Variants in ADGRG3 observed in about 807,000 individuals in gnomAD.
ADGRG3 encodes G protein-coupled receptor 97.
In ADGRG3, 39 loss-of-function variants were observed where a neutral mutation model predicts 54.3. The observed-to-expected ratio is 0.72, with a 90% CI of 0.56 to 0.94. The LOEUF is 0.94. Ranked by LOEUF, ADGRG3 falls within the 40% of genes least tolerant of loss-of-function variation. The pLI, the probability that ADGRG3 is intolerant of heterozygous loss-of-function variation, is 0.00. For synonymous variants in ADGRG3, 312 were observed against 290.0 expected, an observed-to-expected ratio of 1.08 and a Z score of -0.77; for missense variants, 654 against 694.6, an observed-to-expected ratio of 0.94 and a Z score of 0.66.
chr16:57,684,581 C>G, intron 10 of ADGRG3, 98 bp downstream of exon 10: 1 of 823,478 alleles, frequency 1.2e-6, no homozygotes, highest in Non-Finnish European at 2.0e-6. Context: ...CTAGGAAAAT[C>G]TAGACCAAAT....
Position 57,688,658 on chromosome 16 carries a change from C to G in ADGRG3, c.*197C>G, listed in dbSNP as rs1335793676. 8 of 579,792 alleles carry G rather than the reference C, an allele frequency of 1.4e-5. No individual in the cohort carries two copies. Among genetic ancestry groups the G allele is most frequent in the African/African-American group, 1.3e-4 (7 of 53,508 alleles). The allele number at this position is 579,792 out of a possible 1,614,324, so 35.9% of individuals were successfully genotyped here. A position where few individuals can be genotyped will look rare whatever the true frequency, so the allele number is the denominator to read the frequency against. ...CTATAGGTCCAAGAGTCCACGTAAGCAGGTTTGCAAGGCTCTAAAGTTCCT... is the reference window on the plus strand; with the variant it reads ...CTATAGGTCCAAGAGTCCACGTAAGGAGGTTTGCAAGGCTCTAAAGTTCCT... On this transcript the variant is annotated 3_prime_UTR_variant, in exon 12 of 12. Coordinates refer to ENST00000333493, the MANE Select transcript of ADGRG3 (RefSeq NM_170776.5).
At chr16:57,672,624 A>G (rs1306038616) in intron 1 of ADGRG3, among the ~76,000 whole-genome samples, 1 of 152,230 alleles carries the variant, frequency 6.6e-6, no homozygotes, top group Non-Finnish European at 1.5e-5. Flanking sequence ...CAGTTAGTAG[A>G]TGACCCAAAG....
Position 57,679,871 on chromosome 16 carries a change from C to A in ADGRG3, c.667+16C>A. On this transcript the variant is annotated intron_variant, in intron 6 of 11. Transcript: ENST00000333493. ...GTGACTAAAGGTAGGGCCCGGAGGA[C>A]CTTCTCTGGGGTAAGACAGGAAGGG... The A allele has an allele frequency of 6.2e-7, 1 of 1,602,696 alleles. No individual in the cohort carries two copies. Among genetic ancestry groups the A allele is most frequent in the Non-Finnish European group, 8.5e-7 (1 of 1,169,776 alleles).
chr16:57,671,412 C>T (rs1160933593), intron 1 of ADGRG3, among the ~76,000 whole-genome samples: 1 of 136,968 alleles, frequency 7.3e-6, no homozygotes, highest in Non-Finnish European at 1.5e-5. Flanking sequence ...GTGATCTTGG[C>T]TCACTGCAAC....
intron 10 of ADGRG3, 81 bp from the exon 11 acceptor site, chr16:57,685,561 GA>G (rs2048457896): frequency 1.0e-5 from 14 of 1,396,234 alleles, no homozygotes; most frequent in Non-Finnish European, 1.1e-5. Flanking sequence ...TTCACAGACA[GA>G]AAAGCTCAGC....
chr16:57,671,392 G>A (rs2048155914), intron 1 of ADGRG3, among the ~76,000 whole-genome samples: 1 of 140,380 alleles, frequency 7.1e-6, no homozygotes, highest in Non-Finnish European at 1.5e-5. Flanking sequence ...CCAAGCTGGA[G>A]TGCAGTGGTG....
rs1285484358 is a variant in ADGRG3, at chr16:57,673,420, A to C, written c.158A>C (p.Lys53Thr). The C allele has an allele frequency of 1.2e-6, 2 of 1,612,176 alleles. No homozygotes were observed. The highest frequency in any genetic ancestry group is 1.7e-6 in the Non-Finnish European group (2 of 1,178,362). ...AATGACAAGGCTTTGTGCTTCACCAAGTGCAGGCAGTCGGGCAGCGACTCC... is the reference window on the plus strand; with the variant it reads ...AATGACAAGGCTTTGTGCTTCACCACGTGCAGGCAGTCGGGCAGCGACTCC... The part of the protein sequence containing the change: ...NLNDKALCFT[K>T]CRQSGSDSCN... Residue 53 changes from lysine (K) to threonine (T), a missense_variant, in exon 2 of 12, where the codon AAG becomes ACG. Lys to Thr is a moderately conservative substitution (Grantham distance 78). Transcript: ENST00000333493.
upstream of ADGRG3, chr16:57,668,140 GT>G: frequency 1.7e-6 from 1 of 585,948 alleles, no homozygotes; most frequent in Non-Finnish European, 3.0e-6. Flanking sequence ...TGGACCCAGG[GT>G]GCGGTGAGAC....
At chr16:57,683,665 C>T (rs1427886455) in intron 8 of ADGRG3, among the ~76,000 whole-genome samples, 3 of 152,220 alleles carry the variant, frequency 2.0e-5, no homozygotes, top group Non-Finnish European at 4.4e-5. Context: ...GCCTCATTTT[C>T]CCTATTATCC....
At chr16:57,683,123 G>GCAGGGAAAGGCATTGAGAA (rs1409563381) in intron 8 of ADGRG3, among the ~76,000 whole-genome samples, 1 of 152,248 alleles carries the variant, frequency 6.6e-6, no homozygotes, top group Non-Finnish European at 1.5e-5. Flanking sequence ...GAGCTGGGGA[G>GCAGGGAAAGGCATTGAGAA]CAGGGAAAGG....
chr16:57,679,951 C>T (rs1484805120), intron 6 of ADGRG3, 96 bp downstream of exon 6: 2 of 946,676 alleles, frequency 2.1e-6, no homozygotes, highest in African/African-American at 3.3e-5. Context: ...AGTCCCTCCC[C>T]TGCCTTCCTC....
intron 4 of ADGRG3, 44 bp downstream of exon 4, chr16:57,678,360 G>C: frequency 6.3e-7 from 1 of 1,598,634 alleles, no homozygotes; most frequent in Non-Finnish European, 8.6e-7. Context: ...TAGGTCCTCT[G>C]GGGGCTCCAT....
At chr16:57,686,110 C>T (rs1333278285) in intron 11 of ADGRG3, 184 bp downstream of exon 11, 10 of 623,960 alleles carry the variant, frequency 1.6e-5, no homozygotes, top group East Asian at 5.4e-5. Flanking sequence ...TGTATTAGTC[C>T]GTTTGTGTTA....
chr16:57,680,024 T>C (rs1389620569), intron 6 of ADGRG3, among the ~76,000 whole-genome samples, 169 bp downstream of exon 6: 1 of 54,808 alleles, frequency 1.8e-5, no homozygotes, highest in Non-Finnish European at 3.3e-5. Context: ...CTCCCCCCCC[T>C]CCTCACCTCC....
intron 11 of ADGRG3, among the ~76,000 whole-genome samples, chr16:57,687,532 G>A (rs542194720): frequency 1.8e-3 from 268 of 152,168 alleles, no homozygotes; most frequent in African/African-American, 6.0e-3. Context: ...GATTACAGGC[G>A]TGAGCCACTG....
At chr16:57,674,185 G>T (rs2048216102) in intron 2 of ADGRG3, among the ~76,000 whole-genome samples, 1 of 152,112 alleles carries the variant, frequency 6.6e-6, no homozygotes, top group African/African-American at 2.4e-5. Context: ...TGCATCACAG[G>T]GGTCTGGGTG....
chr16:57,684,880 T>G (rs2048445213), intron 10 of ADGRG3, among the ~76,000 whole-genome samples: 1 of 152,158 alleles, frequency 6.6e-6, no homozygotes, highest in Non-Finnish European at 1.5e-5. Flanking sequence ...CCAGGTGTCC[T>G]TGTTCAGGCC....
In ADGRG3 at chr16:57,685,747, T is replaced by C. The variant is rs1020039685; in HGVS notation, c.1361T>C (p.Val454Ala). Reference protein sequence around the residue: ...LFGMVVLALVVWKIFTLSRAT... With the variant: ...LFGMVVLALVAWKIFTLSRAT... ...GGCATGGTGGTCCTGGCCCTGGTGG[T>C]CTGGAAGATCTTCACCCTGTCCCGT... The change falls in exon 11 of 12, where the codon GTC (valine) becomes GCC (alanine). Residue 454 changes from valine to alanine, a missense_variant. By Grantham distance (64) the Val-to-Ala change is moderately conservative. Transcript: ENST00000333493. 13 of 1,614,048 alleles carry C rather than the reference T, an allele frequency of 8.1e-6. No homozygotes were observed. The highest frequency in any genetic ancestry group is 4.5e-5 in the East Asian group (2 of 44,888).
intron 2 of ADGRG3, 110 bp downstream of exon 2, chr16:57,673,578 C>A: frequency 2.9e-6 from 3 of 1,021,032 alleles, no homozygotes; most frequent in Non-Finnish European, 4.3e-6. Flanking sequence ...TTGCTCCCAT[C>A]TGACTCTTCC....
Sources: gnomAD v4.1 joint callset for allele counts (sites outside exome capture counted in the v4.1 genomes callset) on GRCh38, gnomAD v4.1.1 for gene constraint, MANE v1.5 for transcripts, NCBI Gene and HGNC (gene_info 2026-07-23, HGNC 2026-07-21) for gene names.